Variants in SLC30A7 observed in about 807,000 individuals in gnomAD.
SLC30A7 encodes solute carrier family 30 member 7, also known as zinc transporter 7.
SLC30A7 carries 35 observed loss-of-function variants against 46.0 expected under a neutral mutation model. That is an observed-to-expected ratio of 0.76 (90% CI 0.58 to 1.01). SLC30A7 has a LOEUF of 1.01. Among genes scored for constraint, SLC30A7 ranks in the 50% least tolerant of loss-of-function variants. SLC30A7 has a pLI of 0.00. For missense variants in SLC30A7, 464 were observed against 451.1 expected (o/e 1.03, Z -0.26); for synonymous variants, 147 against 157.8 (o/e 0.93, Z 0.51).
chr1:100,951,758 C>T (rs892182506), intron 8 of SLC30A7, among the ~76,000 whole-genome samples: 1 of 152,168 alleles, frequency 6.6e-6, no homozygotes, highest in Non-Finnish European at 1.5e-5. Flanking sequence ...TCCCTCCTTA[C>T]CCACCTGGCT....
chr1:100,925,657 G>T (rs1653246830), intron 8 of SLC30A7, among the ~76,000 whole-genome samples: 1 of 152,154 alleles, frequency 6.6e-6, no homozygotes, highest in Non-Finnish European at 1.5e-5. Context: ...TTTAATCTGG[G>T]CAACTGAGTG....
chr1:100,939,057 A>G (rs753159004), intron 8 of SLC30A7, among the ~76,000 whole-genome samples: 3 of 152,218 alleles, frequency 2.0e-5, no homozygotes, highest in Non-Finnish European at 4.4e-5. Context: ...GATAAATTAC[A>G]TGCATCACAG....
At chr1:100,992,555 T>C in the SLC30A7 span, 11 of 919,326 alleles carry the variant, frequency 1.2e-5, no homozygotes, top group Non-Finnish European at 1.7e-5. Flanking sequence ...GCTTCCATAG[T>C]GGTATGAGAT....
rs1195344402 is a variant in SLC30A7 at position 100,975,559 on chromosome 1, C to T, written c.*702C>T. On this transcript the variant is annotated 3_prime_UTR_variant, in exon 11 of 11. Transcript: ENST00000357650. The stretch of plus-strand genomic sequence containing the variant: ...TTTTTTATTTTTTGAGATGGAGTCT[C>T]GCTCTGTAGCCAGGCTGGAGTGCAG... 3.9e-5 allele frequency: 6 copies of T among 152,472 alleles called. No homozygotes were observed. Among genetic ancestry groups the T allele is most frequent in the Admixed American group, 2.0e-4 (3 of 15,256 alleles). The allele number at this position is 152,472 out of a possible 1,614,324, so 9.4% of individuals were successfully genotyped here.
At chr1:100,965,556 CAT>C (rs1400780715) in intron 9 of SLC30A7, among the ~76,000 whole-genome samples, 1 of 152,194 alleles carries the variant, frequency 6.6e-6, no homozygotes, top group African/African-American at 2.4e-5. Flanking sequence ...AATTTTGATA[CAT>C]GTTTGTTTAT....
In SLC30A7 at chr1:100,921,764, C is replaced by T. The variant is rs116147939; in HGVS notation, c.765C>T (p.Ala255=). 9.9e-4 allele frequency: 1,600 copies of T among 1,612,176 alleles called. 2 individuals are homozygous for T. Among genetic ancestry groups the T allele is most frequent in the Non-Finnish European group, 1.3e-3 (1,489 of 1,178,756 alleles). ...TLGSIGVIAS[A]IMMQNFGLMI... Reference sequence around the variant, plus strand: ...GAAGTATTGGTGTAATTGCTTCTGCCATCATGATGCAAAATTTTGGTCTGA... The same window carrying T: ...GAAGTATTGGTGTAATTGCTTCTGCTATCATGATGCAAAATTTTGGTCTGA... Residue 255 remains alanine (A), a synonymous_variant, in exon 8 of 11, where the codon GCC becomes GCT. Coordinates refer to ENST00000357650, the MANE Select transcript of SLC30A7 (RefSeq NM_133496.5).
chr1:100,995,916 T>G, the SLC30A7 span: 5 of 152,368 alleles, frequency 3.3e-5, no homozygotes, highest in East Asian at 9.6e-4. Flanking sequence ...AGCCAAAGTT[T>G]GTTTTTGCAA....
At chr1:100,940,904 T>G (rs1164097639) in intron 8 of SLC30A7, 1 of 358,896 alleles carries the variant, frequency 2.8e-6, no homozygotes, top group African/African-American at 2.2e-5. Flanking sequence ...TTGTAGCAGC[T>G]AGGCCCTGCC....
At chr1:100,930,581 G>A (rs1653604184) in intron 8 of SLC30A7, among the ~76,000 whole-genome samples, 1 of 148,444 alleles carries the variant, frequency 6.7e-6, no homozygotes, top group South Asian at 2.1e-4. Flanking sequence ...CAAAAAGTAA[G>A]CATTTTTTTT....
At chr1:100,955,711 T>G (rs1269042811) in intron 8 of SLC30A7, among the ~76,000 whole-genome samples, 2 of 152,020 alleles carry the variant, frequency 1.3e-5, no homozygotes, top group Non-Finnish European at 2.9e-5. Flanking sequence ...CAATAGTTAA[T>G]CAGAAAAATA....
Position 100,980,621 on chromosome 1 carries a change from T to C in SLC30A7, c.*5764T>C, listed in dbSNP as rs542665616. ...TTACAGAAGACATCTCAGCATTTCT[T>C]TGGCATTTTTGCACAAATAAATGAC... is the stretch of plus-strand genomic sequence containing the variant. On this transcript the variant is annotated 3_prime_UTR_variant, in exon 11 of 11. Coordinates refer to ENST00000357650, the MANE Select transcript of SLC30A7 (RefSeq NM_133496.5). 6.6e-6 allele frequency: 1 copy of C among 152,168 alleles called. No individual in the cohort carries two copies. The highest frequency in any genetic ancestry group is 2.1e-4 in the South Asian group (1 of 4,826). The allele number at this position is 152,168 out of a possible 1,614,324, so 9.4% of individuals were successfully genotyped here.
At chr1:100,938,335 G>T (rs1355464416) in intron 8 of SLC30A7, among the ~76,000 whole-genome samples, 2 of 152,132 alleles carry the variant, frequency 1.3e-5, no homozygotes, top group Non-Finnish European at 2.9e-5. Flanking sequence ...ATCTCAAGGG[G>T]CATCTCCTTT....
At chr1:100,962,298 G>C (rs1477623899) in intron 9 of SLC30A7, among the ~76,000 whole-genome samples, 3 of 152,060 alleles carry the variant, frequency 2.0e-5, no homozygotes, top group Non-Finnish European at 2.9e-5. Context: ...AGTCCAGTGG[G>C]GAAATACAGT....
chr1:100,992,951 T>A, the SLC30A7 span, among the ~76,000 whole-genome samples: 32 of 152,344 alleles, frequency 2.1e-4, no homozygotes, highest in Admixed American at 3.9e-4. Flanking sequence ...TTTCCTCTGA[T>A]CTCACTGAAA....
the SLC30A7 span, among the ~76,000 whole-genome samples, chr1:100,993,483 C>T: frequency 5.4e-5 from 8 of 147,278 alleles, no homozygotes; most frequent in East Asian, 1.2e-3. Context: ...ACCCGGGAGA[C>T]GGAGGTTGCA....
intron 6 of SLC30A7, among the ~76,000 whole-genome samples, chr1:100,915,671 A>G (rs1405939647): frequency 2.6e-5 from 4 of 152,186 alleles, no homozygotes; most frequent in Non-Finnish European, 5.9e-5. Context: ...TGCTTTATCC[A>G]TTCATCTGTT....
At position 100,914,693 on chromosome 1, in the gene SLC30A7, C is replaced by T. The variant is rs186043932; in HGVS notation, c.655+887C>T. On this transcript the variant is annotated intron_variant, in intron 6 of 10. Coordinates refer to ENST00000357650, the MANE Select transcript of SLC30A7 (RefSeq NM_133496.5). ...TTGGGTGACACAATTTGATTACTCT[C>T]AGTAGAGTGTATGCTTAAGTATTAT... Among the ~76,000 whole-genome samples, 40 of 152,184 alleles carry T rather than the reference C, an allele frequency of 2.6e-4. 1 individual carries two copies. The highest frequency in any genetic ancestry group is 2.4e-3 in the Admixed American group (37 of 15,276).
rs1374075656 is a variant in SLC30A7, at chr1:100,976,264, T to G, written c.*1407T>G. 1 of 152,240 alleles carries G rather than the reference T, an allele frequency of 6.6e-6. No individual in the cohort carries two copies. The highest frequency in any genetic ancestry group is 1.5e-5 in the Non-Finnish European group (1 of 68,044). The allele number at this position is 152,240 out of a possible 1,614,324, so 9.4% of individuals were successfully genotyped here. On this transcript the variant is annotated 3_prime_UTR_variant, in exon 11 of 11. Transcript: ENST00000357650. ...TGGTTGTGACAGTGCTGTTTGGCTT[T>G]TTCATTCTTCAAATGCCAAGTCATC... is the stretch of plus-strand genomic sequence containing the variant.
chr1:100,900,382 C>G (rs1462383877), intron 2 of SLC30A7, among the ~76,000 whole-genome samples: 1 of 152,176 alleles, frequency 6.6e-6, no homozygotes, highest in Admixed American at 6.5e-5. Flanking sequence ...TTTGGTTCTA[C>G]TTCAGTGTGA....
Sources: allele counts gnomAD v4.1 joint callset (sites outside exome capture counted in the v4.1 genomes callset), GRCh38; gene constraint gnomAD v4.1.1; transcripts MANE v1.5; gene names NCBI Gene and HGNC (gene_info 2026-07-23, HGNC 2026-07-21).